IL34: variants seen among roughly 807,000 people sequenced by gnomAD.
The protein encoded by IL34 is interleukin-34.
Under a neutral mutation model 25.3 loss-of-function variants are expected in IL34, and 17 were observed. The ratio of observed to expected loss-of-function variants is 0.67; its 90% CI spans 0.46 to 1.01. IL34 has a LOEUF of 1.01. Ranked by LOEUF, IL34 falls within the 50% of genes least tolerant of loss-of-function variation. The pLI, the probability that IL34 is intolerant of heterozygous loss-of-function variation, is 0.00. For synonymous variants in IL34, 174 were observed against 140.9 expected (o/e 1.23, Z -1.66); for missense variants, 368 against 312.9 (o/e 1.18, Z -1.33).
At chr16:70,649,206 T>C (rs745419752) in intron 1 of IL34, among the ~76,000 whole-genome samples, 4 of 152,186 alleles carry the variant, frequency 2.6e-5, no homozygotes, top group Non-Finnish European at 5.9e-5. Context: ...AGAGATGTTA[T>C]AGCTCTGTGC....
intron 1 of IL34, among the ~76,000 whole-genome samples, chr16:70,590,916 G>T (rs1227025895): frequency 6.6e-6 from 1 of 152,160 alleles, no homozygotes; most frequent in Non-Finnish European, 1.5e-5. Context: ...TAGCTGCTGT[G>T]CCCTCCCCGT....
At chr16:70,630,620 C>G (rs184649826) in intron 1 of IL34, among the ~76,000 whole-genome samples, 1 of 151,338 alleles carries the variant, frequency 6.6e-6, no homozygotes, top group Admixed American at 6.6e-5. Flanking sequence ...ATTCTGTCAC[C>G]CAGGCATGAT....
At chr16:70,632,710 A>G (rs2051547318) in intron 1 of IL34, among the ~76,000 whole-genome samples, 1 of 152,122 alleles carries the variant, frequency 6.6e-6, no homozygotes, top group Non-Finnish European at 1.5e-5. Flanking sequence ...CAGAAGGGAC[A>G]GTTTTTTTGT....
intron 1 of IL34, among the ~76,000 whole-genome samples, chr16:70,630,669 G>C (rs998053798): frequency 1.3e-5 from 2 of 150,066 alleles, no homozygotes; most frequent in Admixed American, 6.6e-5. Context: ...AGTCTCCCAG[G>C]CTCAATTGAT....
intron 1 of IL34, among the ~76,000 whole-genome samples, chr16:70,609,322 G>T (rs558566831): frequency 1.3e-5 from 2 of 152,072 alleles, no homozygotes; most frequent in African/African-American, 2.4e-5. Context: ...CAGGTGATCT[G>T]CCCGCTTCTG....
intron 1 of IL34, among the ~76,000 whole-genome samples, chr16:70,594,955 CTTT>C (rs113922793): frequency 3.2e-5 from 4 of 124,902 alleles, no homozygotes; most frequent in African/African-American, 8.6e-5. Context: ...CTCTCTCTCT[CTTT>C]TTTTTTTTTT....
chr16:70,659,901 G>A, intron 5 of IL34, 96 bp from the exon 6 acceptor site: 1 of 1,478,462 alleles, frequency 6.8e-7, no homozygotes. Context: ...ATGGGCCCTG[G>A]GTAGAGTGGG....
intron 1 of IL34, among the ~76,000 whole-genome samples, chr16:70,622,945 G>C (rs932493993): frequency 2.0e-5 from 3 of 152,008 alleles, no homozygotes; most frequent in African/African-American, 7.3e-5. Context: ...AAGGCTACAG[G>C]GTGCGGTCCT....
chr16:70,617,228 G>A (rs1190201355), intron 1 of IL34, among the ~76,000 whole-genome samples: 1 of 152,172 alleles, frequency 6.6e-6, no homozygotes, highest in Non-Finnish European at 1.5e-5. Context: ...CGGTATAAAA[G>A]GTCTAAGAAT....
chr16:70,627,194 A>G (rs2051413077), intron 1 of IL34, among the ~76,000 whole-genome samples: 1 of 152,198 alleles, frequency 6.6e-6, no homozygotes, highest in Non-Finnish European at 1.5e-5. Context: ...CTTTCAGGCT[A>G]TTCTTGCTCA....
intron 1 of IL34, among the ~76,000 whole-genome samples, chr16:70,598,492 A>T (rs1403705268): frequency 6.6e-6 from 1 of 152,198 alleles, no homozygotes. Flanking sequence ...TAATCCCAGC[A>T]CTTTGGGAGG....
chr16:70,630,242 T>G (rs2051488487), intron 1 of IL34, among the ~76,000 whole-genome samples: 1 of 152,184 alleles, frequency 6.6e-6, no homozygotes, highest in African/African-American at 2.4e-5. Flanking sequence ...TCCTTCTTTC[T>G]TTTTAATTTT....
intron 1 of IL34, among the ~76,000 whole-genome samples, chr16:70,619,492 C>CAT (rs2051233629): frequency 1.1e-3 from 161 of 151,008 alleles, no homozygotes; most frequent in Middle Eastern, 3.5e-3. Context: ...AAGAGTATTG[C>CAT]CTAAGTTGGC....
At chr16:70,644,311 C>T (rs1332827114), upstream of IL34, among the ~76,000 whole-genome samples, 1 of 152,082 alleles carries the variant, frequency 6.6e-6, no homozygotes, top group Non-Finnish European at 1.5e-5. Context: ...ACTGATTCAC[C>T]CGCCTCGGCC....
chr16:70,598,886 T>C (rs1288034793), intron 1 of IL34, among the ~76,000 whole-genome samples: 1 of 152,208 alleles, frequency 6.6e-6, no homozygotes, highest in Non-Finnish European at 1.5e-5. Flanking sequence ...AGCTCAAGCA[T>C]AGGCAGTGGG....
chr16:70,620,095 C>T (rs1385322688), intron 1 of IL34, among the ~76,000 whole-genome samples: 1 of 152,106 alleles, frequency 6.6e-6, no homozygotes, highest in East Asian at 1.9e-4. Context: ...TAATTAAATC[C>T]TGTTGTGGGG....
chr16:70,644,918 AAGG>A (rs1422048913), upstream of IL34, among the ~76,000 whole-genome samples: 13 of 85,352 alleles, frequency 1.5e-4, no homozygotes, highest in East Asian at 1.1e-3. Context: ...GAGGGAGGAG[AAGG>A]AGGAGGAAGG....
intron 1 of IL34, among the ~76,000 whole-genome samples, chr16:70,615,483 G>A (rs900922465): frequency 2.0e-5 from 3 of 151,924 alleles, no homozygotes; most frequent in Admixed American, 6.6e-5. Flanking sequence ...CTCCAGCCTG[G>A]CAACAGAGCA....
At chr16:70,627,739 G>C (rs1352869143) in intron 1 of IL34, among the ~76,000 whole-genome samples, 1 of 152,140 alleles carries the variant, frequency 6.6e-6, no homozygotes, top group Non-Finnish European at 1.5e-5. Context: ...AAAGTGGTGG[G>C]GTTGCAGGTG....
Sources: allele counts gnomAD v4.1 joint callset (sites outside exome capture counted in the v4.1 genomes callset), GRCh38; gene constraint gnomAD v4.1.1; transcripts MANE v1.5; gene names NCBI Gene and HGNC (gene_info 2026-07-23, HGNC 2026-07-21).